The following KLC2 variants were observed in gnomAD, a reference collection of about 807,000 sequenced individuals.
The protein encoded by KLC2 is kinesin light chain 2.
Under a neutral mutation model 75.1 loss-of-function variants are expected in KLC2, and 35 were observed. The observed-to-expected ratio is 0.47, with a 90% CI of 0.36 to 0.62. The LOEUF (loss-of-function observed/expected upper bound fraction) is 0.62, where lower values mean the gene tolerates loss of function less well. Ranked by LOEUF, KLC2 falls within the 20% of genes least tolerant of loss-of-function variation. KLC2 has a pLI of 0.00. For synonymous variants in KLC2, 314 were observed against 336.7 expected, an observed-to-expected ratio of 0.93 and a Z score of 0.74; for missense variants, 611 against 833.2, an observed-to-expected ratio of 0.73 and a Z score of 3.28.
Position 66,258,735 on chromosome 11 carries a change from C to G in KLC2, c.141C>G (p.Ala47=). Residue 47 remains alanine, a synonymous_variant, in exon 2 of 16, where the codon GCC becomes GCG. Coordinates refer to ENST00000394067, the MANE Select transcript of KLC2 (RefSeq NM_001318734.2). ...TGGCTCCTCTGGTTGCACCTGAGGC[C>G]GGCGAAGCCGAGCCTGGCTCGCAGG... ...ALLAPLVAPE[A]GEAEPGSQER... 3.1e-6 allele frequency: 5 copies of G among 1,613,278 alleles called. No individual in the cohort carries two copies. Among genetic ancestry groups the G allele is most frequent in the Non-Finnish European group, 4.2e-6 (5 of 1,179,960 alleles).
At chr11:66,256,193 C>A (rs556517779), upstream of KLC2, among the ~76,000 whole-genome samples, 1 of 151,998 alleles carries the variant, frequency 6.6e-6, no homozygotes, top group Non-Finnish European at 1.5e-5. Context: ...CTACTTGAGA[C>A]CAGCCTGGGC....
At chr11:66,262,764 C>A in intron 4 of KLC2, 50 bp from the exon 5 acceptor site, 1 of 1,398,190 alleles carries the variant, frequency 7.2e-7, no homozygotes, top group Non-Finnish European at 1.0e-6. Flanking sequence ...TGTGCCATCC[C>A]AGTCCAGTGG....
At chr11:66,255,809 A>AGGCT (rs374701814), upstream of KLC2, among the ~76,000 whole-genome samples, 1,255 of 145,300 alleles carry the variant, frequency 8.6e-3, 17 homozygotes, top group African/African-American at 0.03. Flanking sequence ...TCTGTCACCC[A>AGGCT]GGCTGGAGTG....
At chr11:66,263,090 C>T in intron 5 of KLC2, 54 bp downstream of exon 5, 1 of 1,367,924 alleles carries the variant, frequency 7.3e-7, no homozygotes, top group African/African-American at 1.4e-5. Context: ...AGCCCTGGAT[C>T]ACTAACCCTT....
chr11:66,256,587 A>G (rs908956451), upstream of KLC2, among the ~76,000 whole-genome samples: 13 of 152,168 alleles, frequency 8.5e-5, no homozygotes, highest in Non-Finnish European at 1.8e-4. Flanking sequence ...CATCTCAAAA[A>G]GAAAAAAAGG....
At position 66,264,085 on chromosome 11, in the gene KLC2, A is replaced by G; in HGVS notation, c.982A>G (p.Ser328Gly). 6.2e-7 allele frequency: 1 copy of G among 1,606,912 alleles called. No homozygotes were observed. The highest frequency in any genetic ancestry group is 8.5e-7 in the Non-Finnish European group (1 of 1,176,144). Residue 328 changes from serine (S) to glycine (G), a missense_variant, in exon 8 of 16, where the codon AGC (serine) becomes GGC (glycine). Ser to Gly is a moderately conservative substitution (Grantham distance 56). Transcript: ENST00000394067. The stretch of plus-strand genomic sequence containing the variant: ...TCACCCAGATGTGGCCAAGCAGCTC[A>G]GCAACCTGGCCCTGCTGTGCCAGAA... ...KFHPDVAKQLSNLALLCQNQG... is the reference protein window; with the variant it reads ...KFHPDVAKQLGNLALLCQNQG...
chr11:66,253,713 C>T (rs1280191607), upstream of KLC2, among the ~76,000 whole-genome samples: 2 of 152,194 alleles, frequency 1.3e-5, no homozygotes, highest in Non-Finnish European at 2.9e-5. Flanking sequence ...GATAAAAAGC[C>T]AAGTGGCTGA....
chr11:66,263,047 T>C lies in KLC2; in HGVS notation c.752+11T>C, dbSNP rs756205047. On this transcript the variant is annotated intron_variant, in intron 5 of 15. Transcript: ENST00000394067. ...GGCACTGGTCTATCGGTGAGGACTC[T>C]CTGGGGGTGCCCAAATTCTTCTGGA... The C allele has an allele frequency of 5.0e-6, 8 of 1,599,090 alleles. No individual in the cohort carries two copies. The South Asian group carries it at 7.7e-5, about 15-fold the overall frequency.
At chr11:66,249,544 C>T in the KLC2 span, among the ~76,000 whole-genome samples, 2 of 152,202 alleles carry the variant, frequency 1.3e-5, no homozygotes, top group Non-Finnish European at 2.9e-5. Context: ...AGCCAGGCTG[C>T]TGCTGAGTGC....
rs768634192 is a variant in KLC2 at position 66,262,846 on chromosome 11, C to T, written c.562C>T (p.Gln188Ter). 5.0e-6 allele frequency: 8 copies of T among 1,613,160 alleles called. No homozygotes were observed. Among genetic ancestry groups the T allele is most frequent in the Non-Finnish European group, 6.8e-6 (8 of 1,179,892 alleles). The change falls in exon 5 of 16, where the codon CAG (glutamine) becomes TAG (stop). Residue 188 changes from glutamine to a stop codon, truncating the protein, a stop_gained. Coordinates refer to ENST00000394067, the MANE Select transcript of KLC2 (RefSeq NM_001318734.2). LOFTEE classifies it high-confidence loss of function. ...CCCAGGAGGAGGGGATGTGTCTGGT[C>T]AGCATGGGGGCTACGAGATCCCGGC... The part of the protein sequence containing the change: ...PSPGGGDVSG[Q>*]HGGYEIPARL...
chr11:66,264,106 C>T lies in KLC2; in HGVS notation c.1003C>T (p.Gln335Ter). ...GCTCAGCAACCTGGCCCTGCTGTGC[C>T]AGAACCAGGGCAAAGCTGAGGAGGT... is the stretch of plus-strand genomic sequence containing the variant. ...KQLSNLALLC[Q>*]NQGKAEEVEY... Residue 335 changes from glutamine (Q) to a stop codon, truncating the protein, a stop_gained, in exon 8 of 16, where the codon CAG (glutamine) becomes TAG (stop). Coordinates refer to ENST00000394067, the MANE Select transcript of KLC2 (RefSeq NM_001318734.2). LOFTEE classifies it high-confidence loss of function. The T allele has an allele frequency of 6.2e-7, 1 of 1,604,624 alleles. No homozygotes were observed. The highest frequency in any genetic ancestry group is 8.5e-7 in the Non-Finnish European group (1 of 1,175,010).
intron 5 of KLC2, among the ~76,000 whole-genome samples, chr11:66,263,334 T>A (rs953088726): frequency 6.6e-6 from 1 of 152,128 alleles, no homozygotes; most frequent in East Asian, 1.9e-4. Context: ...AAGGTTCCCA[T>A]GGCAAAAAGC....
chr11:66,255,738 T>C (rs936679516), upstream of KLC2, among the ~76,000 whole-genome samples: 2 of 151,854 alleles, frequency 1.3e-5, no homozygotes, highest in Admixed American at 1.3e-4. Context: ...CTACATTTCA[T>C]TGTAACTTGC....
At chr11:66,264,797 C>T in intron 9 of KLC2, 1 of 590,700 alleles carries the variant, frequency 1.7e-6, no homozygotes, top group South Asian at 2.1e-5. Flanking sequence ...GAGCCTGGCC[C>T]ATCATTCAGG....
intron 4 of KLC2, chr11:66,262,414 C>T: frequency 1.7e-6 from 1 of 580,962 alleles, no homozygotes; most frequent in Non-Finnish European, 3.1e-6. Flanking sequence ...GCCTGGCTTC[C>T]AGTGCTGCTC....
rs774382893 is a variant in KLC2, at chr11:66,267,323, C to T, written c.*367C>T. 15 of 811,066 alleles carry T rather than the reference C, an allele frequency of 1.8e-5. No individual in the cohort carries two copies. Among genetic ancestry groups the T allele is most frequent in the Admixed American group, 8.0e-5 (4 of 50,098 alleles). The allele number at this position is 811,066 out of a possible 1,614,324, so 50.2% of individuals were successfully genotyped here. A position where few individuals can be genotyped will look rare whatever the true frequency, so the allele number is the denominator to read the frequency against. On this transcript the variant is annotated 3_prime_UTR_variant, in exon 16 of 16. Coordinates refer to ENST00000394067, the MANE Select transcript of KLC2 (RefSeq NM_001318734.2). The stretch of plus-strand genomic sequence containing the variant: ...CCTCGCCCTCCCTCCCGACTCAACC[C>T]GGCCGTTGCTTCTGTATATAGAGAA...
In KLC2 at chr11:66,261,907, G is replaced by A; in HGVS notation, c.394G>A (p.Glu132Lys). ...TGAGCAGGCCGTGGCCCAGCTCGAG[G>A]AGGAGAAGCAGCACTTGCTGTTCAT... ...RSEQAVAQLEEEKQHLLFMSQ... is the reference protein window; with the variant it reads ...RSEQAVAQLEKEKQHLLFMSQ... The change falls in exon 3 of 16, where the codon GAG (glutamate) becomes AAG (lysine). Residue 132 changes from glutamate to lysine, a missense_variant. By Grantham distance (56) the Glu-to-Lys change is moderately conservative. Coordinates refer to ENST00000394067, the MANE Select transcript of KLC2 (RefSeq NM_001318734.2). 1 of 1,614,220 alleles carries A rather than the reference G, an allele frequency of 6.2e-7. No homozygotes were observed. Among genetic ancestry groups the A allele is most frequent in the Non-Finnish European group, 8.5e-7 (1 of 1,180,044 alleles).
intron 2 of KLC2, chr11:66,261,496 G>A (rs1166867651): frequency 2.1e-6 from 1 of 484,464 alleles, no homozygotes; most frequent in African/African-American, 1.9e-5. Flanking sequence ...GCCCTTTTGG[G>A]GTTCTCCTGA....
chr11:66,253,545 C>G (rs1174406108), upstream of KLC2, among the ~76,000 whole-genome samples: 1 of 152,208 alleles, frequency 6.6e-6, no homozygotes, highest in South Asian at 2.1e-4. Context: ...GGAGCTGAAT[C>G]ACCACTGGGC....
Sources: allele counts gnomAD v4.1 joint callset (sites outside exome capture counted in the v4.1 genomes callset), GRCh38; gene constraint gnomAD v4.1.1; transcripts MANE v1.5; gene names NCBI Gene and HGNC (gene_info 2026-07-23, HGNC 2026-07-21).